The following STMND1 variants were observed in gnomAD, a reference collection of about 807,000 sequenced individuals.
The protein encoded by STMND1 is stathmin domain containing 1.
STMND1 carries 17 observed loss-of-function variants against 23.0 expected under a neutral mutation model. That is an observed-to-expected ratio of 0.74 (90% CI 0.51 to 1.11). STMND1 has a LOEUF of 1.11. STMND1 is among the 50% of genes least tolerant of loss of function. The pLI, the probability that STMND1 is intolerant of heterozygous loss-of-function variation, is 0.00. For missense variants in STMND1, 305 were observed against 329.1 expected, an observed-to-expected ratio of 0.93 and a Z score of 0.57; for synonymous variants, 114 against 119.9, an observed-to-expected ratio of 0.95 and a Z score of 0.32.
Position 17,102,248 on chromosome 6 carries a change from C to CAA in STMND1, c.-10_-9insAA, listed in dbSNP as rs1217516441. On this transcript the variant is annotated 5_prime_UTR_variant, in exon 1 of 5. Transcript: ENST00000536551. ...GCCAAGCCCGCGGAGGAGGAGCGCG[C>CAA]GCGCGCAGCATGGGCTGTGGACCTT... The CAA allele has an allele frequency of 2.0e-6, 3 of 1,524,844 alleles. No homozygotes were observed. The highest frequency in any genetic ancestry group is 2.6e-6 in the Non-Finnish European group (3 of 1,142,280). 94.5% of individuals were successfully genotyped at this position (1,524,844 alleles called of 1,614,324 possible). A position where few individuals can be genotyped will look rare whatever the true frequency, so the allele number is the denominator to read the frequency against.
intron 2 of STMND1, among the ~76,000 whole-genome samples, chr6:17,118,931 G>A (rs775508290): frequency 4.6e-5 from 7 of 152,128 alleles, no homozygotes; most frequent in Non-Finnish European, 8.8e-5. Flanking sequence ...GTCATACAGC[G>A]TATCAAGTAC....
intron 3 of STMND1, among the ~76,000 whole-genome samples, chr6:17,124,048 A>G (rs958460238): frequency 3.9e-5 from 6 of 152,198 alleles, no homozygotes; most frequent in Non-Finnish European, 5.9e-5. Flanking sequence ...CTAATGTTTA[A>G]TAAGTTTTTT....
chr6:17,105,433 G>A (rs1761010649), intron 1 of STMND1, among the ~76,000 whole-genome samples: 1 of 151,678 alleles, frequency 6.6e-6, no homozygotes, highest in Non-Finnish European at 1.5e-5. Context: ...ATCACCTGAG[G>A]TCAGGGGTTT....
Position 17,102,171 on chromosome 6 carries a change from G to C in STMND1, c.-87G>C, listed in dbSNP as rs1477798644. 2 of 1,334,326 alleles carry C rather than the reference G, an allele frequency of 1.5e-6. No homozygotes were observed. The highest frequency in any genetic ancestry group is 1.7e-5 in the South Asian group (1 of 60,490). The allele number at this position is 1,334,326 out of a possible 1,614,324, so 82.7% of individuals were successfully genotyped here. On this transcript the variant is annotated 5_prime_UTR_variant, in exon 1 of 5. Coordinates refer to ENST00000536551, the MANE Select transcript of STMND1 (RefSeq NM_001190766.2). ...CGTAGGGCGCAGGGCGCAGGAGCGC[G>C]GGACCACCGGCGCCGGAGCGCGGCA...
chr6:17,120,601 T>G lies in STMND1; in HGVS notation c.260-6T>G. 30 of 1,464,030 alleles carry G rather than the reference T, an allele frequency of 2.0e-5. No individual in the cohort carries two copies. Among genetic ancestry groups the G allele is most frequent in the Non-Finnish European group, 2.7e-5 (30 of 1,114,300 alleles). 90.7% of individuals were successfully genotyped at this position (1,464,030 alleles called of 1,614,324 possible). On this transcript the variant is annotated splice_polypyrimidine_tract_variant and splice_region_variant and intron_variant, in intron 2 of 4. Transcript: ENST00000536551. ...CTTTCTTTTTTCTTTTCTTCTTTTT[T>G]GGAAGACCTAGTGACCAATGGATTA...
At chr6:17,102,419 G>A in intron 1 of STMND1, 81 bp downstream of exon 1, 2 of 1,502,752 alleles carry the variant, frequency 1.3e-6, no homozygotes, top group Non-Finnish European at 1.8e-6. Flanking sequence ...CCACGCTTGG[G>A]GGCGACAAGA....
intron 1 of STMND1, among the ~76,000 whole-genome samples, chr6:17,105,876 G>C (rs1184089393): frequency 6.6e-6 from 1 of 152,162 alleles, no homozygotes; most frequent in East Asian, 1.9e-4. Context: ...AGTGAGCCAA[G>C]ATGGCGCCAC....
Position 17,121,557 on chromosome 6 carries a change from C to G in STMND1, c.411+799C>G, listed in dbSNP as rs185331632. Among the ~76,000 whole-genome samples, 554 of 152,200 alleles carry G rather than the reference C, an allele frequency of 3.6e-3. 3 individuals carry two copies. Among genetic ancestry groups the G allele is most frequent in the Non-Finnish European group, 5.9e-3 (404 of 68,024 alleles). Reference sequence around the variant, plus strand: ...TAATTACCCTGACTTGATCATTACGCATGTATCAAAACATCATACTGTGCC... The same window carrying G: ...TAATTACCCTGACTTGATCATTACGGATGTATCAAAACATCATACTGTGCC... On this transcript the variant is annotated intron_variant, in intron 3 of 4. Transcript: ENST00000536551.
chr6:17,115,871 G>A (rs1761152902), intron 2 of STMND1, among the ~76,000 whole-genome samples: 1 of 152,140 alleles, frequency 6.6e-6, no homozygotes, highest in African/African-American at 2.4e-5. Context: ...GTTCATACAT[G>A]TGATTCTATT....
Position 17,130,942 on chromosome 6 carries a change from A to G in STMND1, c.*61A>G, listed in dbSNP as rs2113498803. 4.9e-6 allele frequency: 7 copies of G among 1,414,658 alleles called. No individual in the cohort carries two copies. The highest frequency in any genetic ancestry group is 6.6e-6 in the Non-Finnish European group (7 of 1,065,496). 87.6% of individuals were successfully genotyped at this position (1,414,658 alleles called of 1,614,324 possible). Reference sequence around the variant, plus strand: ...TCTCCCCATTTGTGACATTTGTAGTATGTCTCATATTCTTTGACTGACTGA... The same window carrying G: ...TCTCCCCATTTGTGACATTTGTAGTGTGTCTCATATTCTTTGACTGACTGA... On this transcript the variant is annotated 3_prime_UTR_variant, in exon 5 of 5. Transcript: ENST00000536551.
At chr6:17,123,994 T>A (rs1175855734) in intron 3 of STMND1, among the ~76,000 whole-genome samples, 2 of 152,126 alleles carry the variant, frequency 1.3e-5, no homozygotes, top group Admixed American at 1.3e-4. Flanking sequence ...ATGGAAATAT[T>A]ATTAGATAAT....
rs575433647 is a variant in STMND1 at position 17,126,404 on chromosome 6, C to T, written c.412-2708C>T. 1.1e-4 allele frequency among the ~76,000 whole-genome samples: 16 copies of T among 151,992 alleles called. No homozygotes were observed. The South Asian group carries it at 3.3e-3, about 32-fold the overall frequency. On this transcript the variant is annotated intron_variant, in intron 3 of 4. Coordinates refer to ENST00000536551, the MANE Select transcript of STMND1 (RefSeq NM_001190766.2). Reference sequence around the variant, plus strand: ...GGGGAGGATCATTTTAAGATTAAGCCACGGGAAGAGGTGACCAAAACAGAA... The same window carrying T: ...GGGGAGGATCATTTTAAGATTAAGCTACGGGAAGAGGTGACCAAAACAGAA...
At chr6:17,114,443 T>C (rs1005048499) in intron 1 of STMND1, among the ~76,000 whole-genome samples, 1 of 152,058 alleles carries the variant, frequency 6.6e-6, no homozygotes. Context: ...TTTTTGTATT[T>C]TTAGTAGAGA....
chr6:17,110,195 C>CT (rs1761078760), intron 1 of STMND1, among the ~76,000 whole-genome samples: 1 of 152,276 alleles, frequency 6.6e-6, no homozygotes, highest in East Asian at 1.9e-4. Flanking sequence ...AAGATACAAA[C>CT]TTTTATCACA....
At position 17,102,177 on chromosome 6, in the gene STMND1, A is replaced by C. The variant is rs1760945761; in HGVS notation, c.-81A>C. On this transcript the variant is annotated 5_prime_UTR_variant, in exon 1 of 5. Transcript: ENST00000536551. ...GCGCAGGGCGCAGGAGCGCGGGACC[A>C]CCGGCGCCGGAGCGCGGCAGGGAGC... 1.5e-6 allele frequency: 2 copies of C among 1,369,148 alleles called. No homozygotes were observed. Among genetic ancestry groups the C allele is most frequent in the South Asian group, 3.2e-5 (2 of 62,684 alleles). 84.8% of individuals were successfully genotyped at this position (1,369,148 alleles called of 1,614,324 possible).
At chr6:17,127,805 A>T (rs1761328670) in intron 3 of STMND1, 1 of 152,226 alleles carries the variant, frequency 6.6e-6, no homozygotes, top group Non-Finnish European at 1.5e-5. Flanking sequence ...TCATTTTGTA[A>T]TGCAGCCTTG....
At chr6:17,124,639 C>A (rs1431245012) in intron 3 of STMND1, among the ~76,000 whole-genome samples, 3 of 152,244 alleles carry the variant, frequency 2.0e-5, no homozygotes, top group East Asian at 1.9e-4. Context: ...CACAGTAATT[C>A]CATAGTACTC....
At chr6:17,118,351 C>T in intron 2 of STMND1, among the ~76,000 whole-genome samples, 1 of 151,860 alleles carries the variant, frequency 6.6e-6, no homozygotes, top group South Asian at 2.1e-4. Context: ...TGTATATTAA[C>T]AATGGTAATC....
chr6:17,106,094 T>C (rs1273120630), intron 1 of STMND1, among the ~76,000 whole-genome samples: 1 of 152,092 alleles, frequency 6.6e-6, no homozygotes. Context: ...TCCATGCCTT[T>C]GCACCTACTG....
Sources: gnomAD v4.1 joint callset for allele counts (sites outside exome capture counted in the v4.1 genomes callset) on GRCh38, gnomAD v4.1.1 for gene constraint, MANE v1.5 for transcripts, NCBI Gene and HGNC (gene_info 2026-07-23, HGNC 2026-07-21) for gene names.